Variants in TXNDC16 observed in about 807,000 individuals in gnomAD.
TXNDC16 encodes the protein thioredoxin domain-containing protein 16.
TXNDC16 carries 74 observed loss-of-function variants against 85.6 expected under a neutral mutation model. The observed-to-expected ratio is 0.86, with a 90% CI of 0.72 to 1.05. TXNDC16 has a LOEUF of 1.05. TXNDC16 is among the 50% of genes least tolerant of loss of function. The pLI, the probability that TXNDC16 is intolerant of heterozygous loss-of-function variation, is 0.00. For missense variants in TXNDC16, 959 were observed against 947.0 expected (o/e 1.01, Z -0.17); for synonymous variants, 335 against 326.5 (o/e 1.03, Z -0.28).
At chr14:52,523,000 T>G (rs993886381) in intron 6 of TXNDC16, among the ~76,000 whole-genome samples, 5 of 152,200 alleles carry the variant, frequency 3.3e-5, no homozygotes, top group African/African-American at 1.2e-4. Context: ...CCAAAACTAA[T>G]GACATTCATA....
intron 12 of TXNDC16, among the ~76,000 whole-genome samples, chr14:52,486,851 T>C (rs1207300541): frequency 1.3e-5 from 2 of 152,126 alleles, no homozygotes; most frequent in East Asian, 1.9e-4. Flanking sequence ...AAACGATAAA[T>C]GTTTGAAATG....
At chr14:52,466,710 T>TA (rs997291639) in intron 16 of TXNDC16, among the ~76,000 whole-genome samples, 20 of 151,496 alleles carry the variant, frequency 1.3e-4, no homozygotes, top group Non-Finnish European at 2.9e-4. Context: ...ATTAAAAATA[T>TA]AAAAAAATTA....
In TXNDC16 at chr14:52,439,224, G is replaced by A; in HGVS notation, c.2174C>T (p.Ala725Val). Residue 725 changes from alanine (A) to valine (V), a missense_variant, in exon 20 of 21, where the codon GCA becomes GTA. Physicochemically the swap from Ala to Val is moderately conservative, Grantham distance 64. Transcript: ENST00000281741. The part of the protein sequence containing the change: ...NLVLWLKKLE[A>V]GLENHITILP... Reference sequence around the variant, plus strand: ...CTTACTGATATGATTTTCTAGTCCTGCTTCTAATTTCTTCAGCCACAATAC... The same window carrying A: ...CTTACTGATATGATTTTCTAGTCCTACTTCTAATTTCTTCAGCCACAATAC... The A allele has an allele frequency of 1.2e-6, 2 of 1,613,862 alleles. No individual in the cohort carries two copies. The highest frequency in any genetic ancestry group is 1.7e-6 in the Non-Finnish European group (2 of 1,179,926).
intron 18 of TXNDC16, among the ~76,000 whole-genome samples, chr14:52,449,308 C>CAGACAAAATAGATTTCA (rs1428170708): frequency 1.3e-5 from 2 of 151,950 alleles, no homozygotes; most frequent in African/African-American, 4.8e-5. Flanking sequence ...ATACTGATAT[C>CAGACAAAATAGATTTCA]AGACAAAATA....
chr14:52,529,082 G>A (rs538658084), intron 6 of TXNDC16, among the ~76,000 whole-genome samples: 9 of 149,738 alleles, frequency 6.0e-5, no homozygotes, highest in East Asian at 1.9e-4. Flanking sequence ...CAACCCAAAC[G>A]TCCAACAATG....
chr14:52,448,861 T>C (rs2035343321), intron 18 of TXNDC16, among the ~76,000 whole-genome samples: 1 of 152,228 alleles, frequency 6.6e-6, no homozygotes, highest in African/African-American at 2.4e-5. Flanking sequence ...TGTTCGTTTA[T>C]GCAAACAGTG....
chr14:52,483,016 T>G (rs1490585825), intron 12 of TXNDC16, 51 bp from the exon 13 acceptor site: 1 of 1,445,104 alleles, frequency 6.9e-7, no homozygotes, highest in Non-Finnish European at 9.4e-7. Flanking sequence ...TAATGAAAAC[T>G]ATTTAAGCTC....
intron 4 of TXNDC16, 57 bp from the exon 5 acceptor site, chr14:52,537,729 T>G (rs895478622): frequency 2.0e-6 from 2 of 1,015,548 alleles, no homozygotes; most frequent in Admixed American, 2.1e-5. Flanking sequence ...AGTTTCTTGG[T>G]TGGGGAAACA....
chr14:52,442,105 T>C (rs568383270), intron 18 of TXNDC16, among the ~76,000 whole-genome samples: 1 of 152,354 alleles, frequency 6.6e-6, no homozygotes, highest in Non-Finnish European at 1.5e-5. Context: ...TTTTAAAATG[T>C]ATTTGTAGAA....
At chr14:52,436,807 G>A (rs1355279086) in intron 20 of TXNDC16, among the ~76,000 whole-genome samples, 1 of 151,912 alleles carries the variant, frequency 6.6e-6, no homozygotes, top group Non-Finnish European at 1.5e-5. Flanking sequence ...ATACCAGAGT[G>A]TATGTGTATA....
chr14:52,490,734 A>G, intron 10 of TXNDC16, 105 bp downstream of exon 10: 1 of 1,228,412 alleles, frequency 8.1e-7, no homozygotes, highest in Non-Finnish European at 1.1e-6. Context: ...ATTGGAATCT[A>G]TTAGAGATTT....
intron 14 of TXNDC16, among the ~76,000 whole-genome samples, chr14:52,478,867 A>G (rs542054328): frequency 6.6e-6 from 1 of 152,270 alleles, no homozygotes; most frequent in East Asian, 1.9e-4. Flanking sequence ...ACCAAAAAAG[A>G]AAACTACAGA....
chr14:52,431,488 T>C lies in TXNDC16; in HGVS notation c.*816A>G, dbSNP rs1467540696. The C allele has an allele frequency of 6.6e-6, 1 of 152,186 alleles. No individual in the cohort carries two copies. Among genetic ancestry groups the C allele is most frequent in the Non-Finnish European group, 1.5e-5 (1 of 68,026 alleles). 9.4% of individuals were successfully genotyped at this position (152,186 alleles called of 1,614,324 possible). A position where few individuals can be genotyped will look rare whatever the true frequency, so the allele number is the denominator to read the frequency against. ...GATAAGACCATCTAATACATATCTT[T>C]AATAGCCAAAATTTTTTCAAACATG... On this transcript the variant is annotated 3_prime_UTR_variant, in exon 21 of 21. Transcript: ENST00000281741.
rs762299356 is a variant in TXNDC16 at position 52,470,642 on chromosome 14, C to T, written c.1351G>A (p.Asp451Asn). The change falls in exon 15 of 21, where the codon GAT (aspartate) becomes AAT (asparagine). Residue 451 changes from aspartate to asparagine, a missense_variant. Asp to Asn is a conservative substitution (Grantham distance 23). Coordinates refer to ENST00000281741, the MANE Select transcript of TXNDC16 (RefSeq NM_020784.3). ...TMLLTRINCADWSDVCTKQNV... is the reference protein window; with the variant it reads ...TMLLTRINCANWSDVCTKQNV... ...TGCTTAGTACATACATCAGACCAATCTGCACAGTTTATTCTAGTAAGAAGC... is the reference window on the plus strand; with the variant it reads ...TGCTTAGTACATACATCAGACCAATTTGCACAGTTTATTCTAGTAAGAAGC... 5.4e-5 allele frequency: 87 copies of T among 1,612,806 alleles called. No homozygotes were observed. The East Asian group carries it at 1.9e-3, about 36-fold the overall frequency.
At chr14:52,499,230 T>A (rs192084673) in intron 9 of TXNDC16, among the ~76,000 whole-genome samples, 1 of 151,836 alleles carries the variant, frequency 6.6e-6, no homozygotes, top group Non-Finnish European at 1.5e-5. Flanking sequence ...AAAGAAAACA[T>A]AGGGGGAAAA....
In TXNDC16 at chr14:52,451,241, T is replaced by TC. The variant is rs373004593; in HGVS notation, c.1842+4082dup. Among the ~76,000 whole-genome samples, 239 of 150,792 alleles carry TC rather than the reference T, an allele frequency of 1.6e-3. 1 individual carries two copies. The highest frequency in any genetic ancestry group is 5.5e-3 in the African/African-American group (227 of 41,036). The stretch of plus-strand genomic sequence containing the variant: ...ACCCATGTAACCAAATCCCACTTGT[T>TC]CCCCAATAACCTATTGAAATTTAAA... On this transcript the variant is annotated intron_variant, in intron 18 of 20. Coordinates refer to ENST00000281741, the MANE Select transcript of TXNDC16 (RefSeq NM_020784.3).
intron 8 of TXNDC16, among the ~76,000 whole-genome samples, chr14:52,512,335 C>A (rs1342690098): frequency 6.6e-6 from 1 of 151,946 alleles, no homozygotes; most frequent in East Asian, 1.9e-4. Flanking sequence ...CTATAAGGAA[C>A]AAGGAAATAT....
intron 1 of TXNDC16, among the ~76,000 whole-genome samples, chr14:52,546,368 C>T (rs1241239267): frequency 2.0e-5 from 3 of 152,130 alleles, no homozygotes; most frequent in Admixed American, 6.5e-5. Flanking sequence ...CAGAGAAATG[C>T]GGCCTTGTTA....
intron 9 of TXNDC16, among the ~76,000 whole-genome samples, chr14:52,497,863 G>C (rs573173011): frequency 7.1e-6 from 1 of 140,654 alleles, no homozygotes; most frequent in Non-Finnish European, 1.5e-5. Context: ...CCTGGGCAAC[G>C]GAGCAAGACT....
Sources: allele counts gnomAD v4.1 joint callset (sites outside exome capture counted in the v4.1 genomes callset), GRCh38; gene constraint gnomAD v4.1.1; transcripts MANE v1.5; gene names NCBI Gene and HGNC (gene_info 2026-07-23, HGNC 2026-07-21).